The following APBA2 variants were observed in gnomAD, a reference collection of about 807,000 sequenced individuals.
APBA2 encodes the protein amyloid-beta A4 precursor protein-binding family A member 2.
A neutral mutation model predicts 75.0 loss-of-function variants in APBA2; 30 were observed. The ratio of observed to expected loss-of-function variants is 0.40; its 90% CI spans 0.30 to 0.54. The LOEUF (loss-of-function observed/expected upper bound fraction) is 0.54, where lower values mean the gene tolerates loss of function less well. Among genes scored for constraint, APBA2 ranks in the 20% least tolerant of loss-of-function variants. The pLI is 0.49. For missense variants in APBA2, 801 were observed against 1,016.1 expected (o/e 0.79, Z 2.88); for synonymous variants, 444 against 409.6 (o/e 1.08, Z -1.01).
intron 8 of APBA2, among the ~76,000 whole-genome samples, chr15:29,097,239 C>G (rs1321807421): frequency 6.6e-6 from 1 of 152,256 alleles, no homozygotes; most frequent in African/African-American, 2.4e-5. Context: ...ATCCCAAATC[C>G]AGGAAACGTA....
chr15:28,898,991 A>G (rs2032679450), intron 1 of APBA2, among the ~76,000 whole-genome samples: 1 of 152,262 alleles, frequency 6.6e-6, no homozygotes, highest in African/African-American at 2.4e-5. Flanking sequence ...TTCTGCATAT[A>G]AAAGAAGCTG....
Position 29,054,686 on chromosome 15 carries a change from A to G in APBA2, c.802A>G (p.Ile268Val). The G allele has an allele frequency of 6.2e-7, 1 of 1,613,998 alleles. No homozygotes were observed. The highest frequency in any genetic ancestry group is 8.5e-7 in the Non-Finnish European group (1 of 1,180,000). ...PEDSVEACPP[I>V]KASCSPSRHE... is the part of the protein sequence containing the mutation. ...GGACTCTGTAGAGGCCTGCCCACCCATCAAGGCCAGCTGCAGCCCCAGCAG... is the reference window on the plus strand; with the variant it reads ...GGACTCTGTAGAGGCCTGCCCACCCGTCAAGGCCAGCTGCAGCCCCAGCAG... The change falls in exon 4 of 15, where the codon ATC becomes GTC. Residue 268 changes from isoleucine to valine, a missense_variant. Physicochemically the swap from Ile to Val is conservative, Grantham distance 29. This residue lies in a region of APBA2 where 434 missense variants were observed against 471.6 expected (regional missense o/e 0.92). Coordinates refer to ENST00000683413, the MANE Select transcript of APBA2 (RefSeq NM_001353788.2). The surrounding 1 kb of genome is among the most constrained non-coding windows in gnomAD (Gnocchi z 6.1).
At chr15:29,109,564 A>G (rs1452576506) in intron 13 of APBA2, among the ~76,000 whole-genome samples, 1 of 152,202 alleles carries the variant, frequency 6.6e-6, no homozygotes, top group Non-Finnish European at 1.5e-5. Flanking sequence ...GAGGCAGCTC[A>G]GAAGACCTTG....
intron 1 of APBA2, among the ~76,000 whole-genome samples, chr15:28,921,012 A>T (rs974115250): frequency 9.2e-5 from 14 of 152,108 alleles, no homozygotes; most frequent in African/African-American, 3.4e-4. Flanking sequence ...AAACAGTGTC[A>T]CTGGCTAATC....
chr15:28,896,610 C>T (rs1765370207), intron 1 of APBA2, among the ~76,000 whole-genome samples: 1 of 152,140 alleles, frequency 6.6e-6, no homozygotes, highest in Non-Finnish European at 1.5e-5. Context: ...AGAAACCAAA[C>T]TCTGGTGTAT....
At chr15:29,049,904 A>G (rs8027608) in intron 3 of APBA2, among the ~76,000 whole-genome samples, 4,348 of 152,320 alleles carry the variant, frequency 0.029, 205 homozygotes, top group African/African-American at 0.099. Context: ...AATTCCAGAG[A>G]TATTCCAGAA....
chr15:29,041,120 TC>T (rs2041020705), intron 3 of APBA2, among the ~76,000 whole-genome samples: 1 of 152,062 alleles, frequency 6.6e-6, no homozygotes, highest in Non-Finnish European at 1.5e-5. Context: ...GAAGAAAGAA[TC>T]TAAGTTAGCT....
chr15:28,892,996 T>G (rs2032236145), intron 1 of APBA2, among the ~76,000 whole-genome samples: 1 of 152,220 alleles, frequency 6.6e-6, no homozygotes, highest in Non-Finnish European at 1.5e-5. Flanking sequence ...TCTCAGTCTT[T>G]TGCTGTAATA....
intron 6 of APBA2, among the ~76,000 whole-genome samples, chr15:29,081,537 C>T (rs1020987842): frequency 2.0e-5 from 3 of 152,208 alleles, no homozygotes; most frequent in Admixed American, 2.0e-4. Context: ...CACAGTACCT[C>T]TTGTTCTGCC....
chr15:28,886,959 C>T (rs2152593509), intron 1 of APBA2, among the ~76,000 whole-genome samples: 1 of 152,296 alleles, frequency 6.6e-6, no homozygotes, highest in South Asian at 2.1e-4. Flanking sequence ...ACATCGAGGC[C>T]CCCGGTCCCC....
rs573259159 is a variant in APBA2, at chr15:29,069,608, G to A, written c.952-5313G>A. 5.3e-5 allele frequency among the ~76,000 whole-genome samples: 8 copies of A among 152,352 alleles called. No individual in the cohort carries two copies. In the South Asian group the frequency reaches 1.5e-3, roughly 28 times the overall value. ...CCAGGGCCTGCTTTTGTTCATGTGT[G>A]TGTCTGTTTATACCCTGGCTCATCC... On this transcript the variant is annotated intron_variant, in intron 4 of 14. Coordinates refer to ENST00000683413, the MANE Select transcript of APBA2 (RefSeq NM_001353788.2).
intron 4 of APBA2, chr15:29,070,870 C>T (rs1038507381): frequency 3.3e-5 from 11 of 330,368 alleles, no homozygotes; most frequent in East Asian, 1.7e-4. Context: ...AAACAGGAGC[C>T]GTGAAGGGAT....
At chr15:29,010,230 T>G (rs1016825569) in intron 3 of APBA2, among the ~76,000 whole-genome samples, 5 of 152,138 alleles carry the variant, frequency 3.3e-5, no homozygotes, top group African/African-American at 1.2e-4. Context: ...ATTTTTCTGT[T>G]GCATTTTCTT....
chr15:28,968,995 C>T (rs985326096), intron 2 of APBA2, among the ~76,000 whole-genome samples: 1 of 151,894 alleles, frequency 6.6e-6, no homozygotes, highest in Non-Finnish European at 1.5e-5. Context: ...TAAGGGTCAG[C>T]CACAGTGGCT....
At chr15:28,969,475 G>A (rs1042780303) in intron 2 of APBA2, among the ~76,000 whole-genome samples, 3 of 151,930 alleles carry the variant, frequency 2.0e-5, no homozygotes, top group African/African-American at 7.3e-5. Flanking sequence ...CCACTGCACC[G>A]GGCCTTAACC....
chr15:28,967,403 A>G (rs16954950), intron 2 of APBA2, among the ~76,000 whole-genome samples: 2,901 of 152,252 alleles, frequency 0.019, 88 homozygotes, highest in African/African-American at 0.066. Flanking sequence ...CAAGTGTTTT[A>G]TAAATTTCAG....
In APBA2 at chr15:29,007,641, A is replaced by C. The variant is rs1431146793; in HGVS notation, c.-41+11835A>C. ...CAGAAAAACATGCTCAGCATCACAA[A>C]TCGTTAGAGAATTGCAAGTCGAAAT... On this transcript the variant is annotated intron_variant, in intron 3 of 14. Transcript: ENST00000683413. Among the ~76,000 whole-genome samples, 5 of 152,184 alleles carry C rather than the reference A, an allele frequency of 3.3e-5. No homozygotes were observed. The South Asian group carries it at 6.2e-4, about 19-fold the overall frequency.
At chr15:29,089,949 T>C (rs1163804140) in intron 6 of APBA2, among the ~76,000 whole-genome samples, 1 of 152,196 alleles carries the variant, frequency 6.6e-6, no homozygotes. Flanking sequence ...CATGTAGGGC[T>C]AGCTGCTTTC....
intron 3 of APBA2, among the ~76,000 whole-genome samples, chr15:29,003,008 C>CGTG (rs1212672841): frequency 6.6e-6 from 1 of 151,940 alleles, no homozygotes; most frequent in African/African-American, 2.4e-5. Flanking sequence ...GAGGAAGCAG[C>CGTG]GTGGCTGGTC....
Sources: allele counts gnomAD v4.1 joint callset (sites outside exome capture counted in the v4.1 genomes callset), GRCh38; gene constraint gnomAD v4.1.1; regional missense constraint gnomAD v4.1.1; non-coding constraint Gnocchi (gnomAD v3.1); transcripts MANE v1.5; gene names NCBI Gene and HGNC (gene_info 2026-07-23, HGNC 2026-07-21).